Variants in GLYATL1 observed in about 807,000 individuals in gnomAD.
The protein encoded by GLYATL1 is glycine-N-acyltransferase like 1.
GLYATL1 carries 15 observed loss-of-function variants against 20.0 expected under a neutral mutation model. The ratio of observed to expected loss-of-function variants is 0.75; its 90% CI spans 0.50 to 1.15. The LOEUF is 1.15. Among genes scored for constraint, GLYATL1 ranks in the 50% most tolerant of loss-of-function variants. The pLI is 0.00. For missense variants in GLYATL1, 380 were observed against 368.5 expected, an observed-to-expected ratio of 1.03 and a Z score of -0.26; for synonymous variants, 151 against 131.5, an observed-to-expected ratio of 1.15 and a Z score of -1.01.
At chr11:58,916,825 G>A (rs764613408) in intron 1 of GLYATL1, among the ~76,000 whole-genome samples, 18 of 152,252 alleles carry the variant, frequency 1.2e-4, no homozygotes, top group Non-Finnish European at 2.2e-4. Flanking sequence ...ATTTATTGAT[G>A]TGAAAGTACA....
chr11:58,939,364 C>T (rs1855981613), upstream of GLYATL1: 1 of 152,252 alleles, frequency 6.6e-6, no homozygotes, highest in Non-Finnish European at 1.5e-5. Flanking sequence ...GCATCCAACT[C>T]AGCCTTCTTC....
chr11:58,921,143 G>T (rs1295104974), intron 1 of GLYATL1, among the ~76,000 whole-genome samples: 1 of 152,172 alleles, frequency 6.6e-6, no homozygotes, highest in Non-Finnish European at 1.5e-5. Context: ...AATGGCTTAG[G>T]CATGAGCAAG....
intron 6 of GLYATL1, 122 bp from the exon 7 acceptor site, chr11:58,955,488 C>A: frequency 7.3e-7 from 1 of 1,374,608 alleles, no homozygotes; most frequent in Non-Finnish European, 1.0e-6. Flanking sequence ...GTTCAAGATC[C>A]AAAACTTTGC....
upstream of GLYATL1, among the ~76,000 whole-genome samples, chr11:58,939,018 C>T (rs562909370): frequency 1.5e-4 from 23 of 152,050 alleles, no homozygotes; most frequent in Non-Finnish European, 2.9e-4. Flanking sequence ...GGAATTGAAA[C>T]CTCCCCTGTA....
chr11:58,912,276 A>G (rs530978060), downstream of GLYATL1, among the ~76,000 whole-genome samples: 4 of 152,314 alleles, frequency 2.6e-5, no homozygotes, highest in Admixed American at 1.3e-4. Context: ...AAGAACTAGA[A>G]AGATCAGAAG....
Position 58,955,851 on chromosome 11 carries a change from G to C in GLYATL1, c.733G>C (p.Ala245Pro). 1 of 1,614,218 alleles carries C rather than the reference G, an allele frequency of 6.2e-7. No homozygotes were observed. The highest frequency in any genetic ancestry group is 8.5e-7 in the Non-Finnish European group (1 of 1,180,044). ...MEKYRRTGNM[A>P]RVMVRYMKYL... ...AAAATACCGAAGGACAGGCAACATG[G>C]CACGAGTGATGGTGCGATACATGAA... The change falls in exon 7 of 7, where the codon GCA (alanine) becomes CCA (proline). Residue 245 changes from alanine to proline, a missense_variant. By Grantham distance (27) the Ala-to-Pro change is conservative. Transcript: ENST00000532726.
intron 1 of GLYATL1, among the ~76,000 whole-genome samples, chr11:58,939,901 G>T (rs1039180479): frequency 6.6e-5 from 10 of 152,140 alleles, no homozygotes; most frequent in Non-Finnish European, 1.3e-4. Context: ...AAGGAATTTT[G>T]ATTTGCAGGT....
upstream of GLYATL1, among the ~76,000 whole-genome samples, chr11:58,925,260 C>A (rs147017260): frequency 5.8e-3 from 881 of 152,204 alleles, 7 homozygotes; most frequent in Non-Finnish European, 9.1e-3. Context: ...AAACTGGATA[C>A]TTTTTTAAAT....
chr11:58,911,441 C>T (rs1001898132), downstream of GLYATL1, among the ~76,000 whole-genome samples: 19 of 152,178 alleles, frequency 1.2e-4, no homozygotes, highest in African/African-American at 3.9e-4. Context: ...TTTGCATCCT[C>T]GCTACCAATG....
At chr11:58,926,808 T>C (rs192960116), upstream of GLYATL1, among the ~76,000 whole-genome samples, 38 of 152,358 alleles carry the variant, frequency 2.5e-4, no homozygotes, top group Admixed American at 9.8e-4. Flanking sequence ...TTATATATTT[T>C]AACCATGTGC....
Position 58,956,266 on chromosome 11 carries a change from G to C in GLYATL1, c.*239G>C. ...TGCTTAAGTGTTATAGGGAAAGACG[G>C]GGTTACCAGTAAACATGTAACTAGA... On this transcript the variant is annotated 3_prime_UTR_variant, in exon 7 of 7. Coordinates refer to ENST00000532726, the MANE Select transcript of GLYATL1 (RefSeq NM_001389712.2). The C allele has an allele frequency of 2.1e-6, 1 of 476,508 alleles. No individual in the cohort carries two copies. Among genetic ancestry groups the C allele is most frequent in the Non-Finnish European group, 3.7e-6 (1 of 269,642 alleles). The allele number at this position is 476,508 out of a possible 1,614,324, so 29.5% of individuals were successfully genotyped here. A position where few individuals can be genotyped will look rare whatever the true frequency, so the allele number is the denominator to read the frequency against.
chr11:58,918,189 C>A (rs1431283531), intron 1 of GLYATL1, among the ~76,000 whole-genome samples: 1 of 152,178 alleles, frequency 6.6e-6, no homozygotes, highest in Non-Finnish European at 1.5e-5. Flanking sequence ...GAGCAAGAGG[C>A]AAGGGAGTCT....
downstream of GLYATL1, among the ~76,000 whole-genome samples, chr11:58,909,906 T>C (rs1854998067): frequency 6.6e-6 from 1 of 152,146 alleles, no homozygotes; most frequent in African/African-American, 2.4e-5. Flanking sequence ...GGCTTGTTTG[T>C]GTGTTCGGTC....
At chr11:58,950,247 C>T (rs1856890670) in intron 4 of GLYATL1, among the ~76,000 whole-genome samples, 1 of 151,128 alleles carries the variant, frequency 6.6e-6, no homozygotes, top group South Asian at 2.1e-4. Flanking sequence ...GCTGAGATCC[C>T]GCCGCTGCAC....
chr11:58,943,496 A>C, intron 1 of GLYATL1, 47 bp from the exon 2 acceptor site: 1 of 1,553,960 alleles, frequency 6.4e-7, no homozygotes, highest in Non-Finnish European at 8.7e-7. Context: ...TTGTTGCTTA[A>C]TGAAACTCCT....
At chr11:58,943,052 G>A (rs1404446666) in intron 1 of GLYATL1, among the ~76,000 whole-genome samples, 1 of 152,172 alleles carries the variant, frequency 6.6e-6, no homozygotes, top group African/African-American at 2.4e-5. Context: ...GATGAGGTTA[G>A]GAGGGGGATT....
At chr11:58,941,698 A>G (rs374115453) in intron 1 of GLYATL1, among the ~76,000 whole-genome samples, 14 of 152,356 alleles carry the variant, frequency 9.2e-5, no homozygotes, top group East Asian at 7.7e-4. Flanking sequence ...CAGGCAGAAG[A>G]AAAAGAACAG....
intron 1 of GLYATL1, among the ~76,000 whole-genome samples, chr11:58,929,769 A>G (rs1333797331): frequency 6.6e-6 from 1 of 152,168 alleles, no homozygotes; most frequent in East Asian, 1.9e-4. Context: ...CCCTCTCTGT[A>G]CAGTCCTCTC....
rs1857405882 is a variant in GLYATL1 at position 58,956,134 on chromosome 11, C to T, written c.*107C>T. On this transcript the variant is annotated 3_prime_UTR_variant, in exon 7 of 7. Transcript: ENST00000532726. The stretch of plus-strand genomic sequence containing the variant: ...AAATGCATATTGGGCACTTATAATA[C>T]AGCAGGAACTCTTCTCACCTGGAGC... 21 of 955,278 alleles carry T rather than the reference C, an allele frequency of 2.2e-5. No homozygotes were observed. In the South Asian group the frequency reaches 3.3e-4, roughly 15 times the overall value. 59.2% of individuals were successfully genotyped at this position (955,278 alleles called of 1,614,324 possible). A position where few individuals can be genotyped will look rare whatever the true frequency, so the allele number is the denominator to read the frequency against.
Sources: allele counts gnomAD v4.1 joint callset (sites outside exome capture counted in the v4.1 genomes callset), GRCh38; gene constraint gnomAD v4.1.1; transcripts MANE v1.5; gene names NCBI Gene and HGNC (gene_info 2026-07-23, HGNC 2026-07-21).